Variants in PPFIA2 observed in about 807,000 individuals in gnomAD.
The protein encoded by PPFIA2 is liprin-alpha-2.
A neutral mutation model predicts 175.5 loss-of-function variants in PPFIA2; 46 were observed. The observed-to-expected ratio is 0.26, with a 90% CI of 0.21 to 0.34. The LOEUF (loss-of-function observed/expected upper bound fraction) is 0.34. PPFIA2 is among the 10% of genes least tolerant of loss of function. The pLI, the probability that PPFIA2 is intolerant of heterozygous loss-of-function variation, is 1.00. For missense variants in PPFIA2, 1,179 were observed against 1,506.1 expected, an observed-to-expected ratio of 0.78 and a Z score of 3.60; for synonymous variants, 568 against 511.4, an observed-to-expected ratio of 1.11 and a Z score of -1.49.
intron 4 of PPFIA2, among the ~76,000 whole-genome samples, chr12:81,508,521 C>CAA (rs544893385): frequency 0.025 from 1,087 of 43,334 alleles, 14 homozygotes; most frequent in Middle Eastern, 0.031. Context: ...AATTCCACCT[C>CAA]AAAAAAAAAA....
chr12:81,716,454 C>T (rs1213064831), intron 3 of PPFIA2, among the ~76,000 whole-genome samples: 1 of 151,568 alleles, frequency 6.6e-6, no homozygotes, highest in Non-Finnish European at 1.5e-5. Flanking sequence ...ATTTGCATGA[C>T]ATTTATTTAA....
intron 4 of PPFIA2, among the ~76,000 whole-genome samples, chr12:81,505,290 G>T (rs117517927): frequency 1.3e-5 from 2 of 149,234 alleles, no homozygotes; most frequent in African/African-American, 4.9e-5. Context: ...AAAAAAGAAA[G>T]AAAAGGGAAG....
At position 81,528,418 on chromosome 12, in the gene PPFIA2, A is replaced by G. The variant is rs527279580; in HGVS notation, c.304-70552T>C. On this transcript the variant is annotated intron_variant, in intron 4 of 32. Transcript: ENST00000549396. ...TATCCGTACGCACTTTATATAGTCT[A>G]GAGACTGAATTTATTTCAAACCTGG... 1.2e-3 allele frequency among the ~76,000 whole-genome samples: 185 copies of G among 152,238 alleles called. No homozygotes were observed. In the Middle Eastern group the frequency reaches 0.024, roughly 20 times the overall value.
intron 23 of PPFIA2, 103 bp from the exon 24 acceptor site, chr12:81,295,138 A>C: frequency 1.0e-6 from 1 of 975,624 alleles, no homozygotes; most frequent in Non-Finnish European, 1.5e-6. Context: ...ACATGACCTC[A>C]CCCCACGAGA....
At chr12:81,684,309 G>T (rs1032447564) in intron 3 of PPFIA2, among the ~76,000 whole-genome samples, 3 of 152,010 alleles carry the variant, frequency 2.0e-5, no homozygotes, top group African/African-American at 7.2e-5. Context: ...TAGTTTACAG[G>T]GTCCAGAGAA....
At chr12:81,752,369 G>C (rs1457934967) in intron 3 of PPFIA2, among the ~76,000 whole-genome samples, 1 of 152,128 alleles carries the variant, frequency 6.6e-6, no homozygotes, top group Non-Finnish European at 1.5e-5. Context: ...GATGGTGATA[G>C]TTCTAGAAAT....
intron 5 of PPFIA2, among the ~76,000 whole-genome samples, chr12:81,450,785 T>G (rs1001315605): frequency 2.6e-5 from 4 of 152,196 alleles, no homozygotes; most frequent in Non-Finnish European, 5.9e-5. Flanking sequence ...AACATTTAAG[T>G]CTTTAATCCA....
At chr12:81,392,510 T>C (rs2040325627) in intron 8 of PPFIA2, among the ~76,000 whole-genome samples, 1 of 151,924 alleles carries the variant, frequency 6.6e-6, no homozygotes, top group Admixed American at 6.6e-5. Context: ...TCGTCAAAGA[T>C]GACTAATAAC....
intron 4 of PPFIA2, among the ~76,000 whole-genome samples, chr12:81,475,263 T>C: frequency 6.6e-6 from 1 of 152,150 alleles, no homozygotes; most frequent in Non-Finnish European, 1.5e-5. Context: ...TAAAGGACCA[T>C]GGTAAAAGGA....
At chr12:81,456,657 T>C (rs965800367) in intron 5 of PPFIA2, among the ~76,000 whole-genome samples, 8 of 152,224 alleles carry the variant, frequency 5.3e-5, no homozygotes, top group African/African-American at 1.7e-4. Context: ...TACATCCACA[T>C]AGAAGTGGTT....
chr12:81,387,353 G>A (rs1009578050), intron 8 of PPFIA2, among the ~76,000 whole-genome samples: 1 of 152,038 alleles, frequency 6.6e-6, no homozygotes, highest in African/African-American at 2.4e-5. Context: ...ATATTGCATA[G>A]TTCATGATAT....
chr12:81,625,754 T>C (rs1436565211), intron 4 of PPFIA2, among the ~76,000 whole-genome samples: 1 of 150,382 alleles, frequency 6.6e-6, no homozygotes, highest in East Asian at 1.9e-4. Context: ...TCTGCTACCC[T>C]CCAACATTTT....
At chr12:81,331,023 A>G (rs541651721) in intron 21 of PPFIA2, among the ~76,000 whole-genome samples, 1 of 152,342 alleles carries the variant, frequency 6.6e-6, no homozygotes, top group African/African-American at 2.4e-5. Context: ...TTACATTGTA[A>G]CTATTGGTTC....
intron 3 of PPFIA2, among the ~76,000 whole-genome samples, chr12:81,750,283 C>T (rs113922782): frequency 4.9e-5 from 7 of 143,862 alleles, no homozygotes; most frequent in African/African-American, 1.5e-4. Flanking sequence ...GACATATTTA[C>T]AACACCAGAA....
intron 5 of PPFIA2, among the ~76,000 whole-genome samples, chr12:81,451,326 T>C (rs1404005610): frequency 6.6e-6 from 1 of 152,126 alleles, no homozygotes; most frequent in Non-Finnish European, 1.5e-5. Context: ...GTAACATTTC[T>C]TGGGAATGTT....
At chr12:81,492,463 G>A (rs1386040462) in intron 4 of PPFIA2, among the ~76,000 whole-genome samples, 1 of 152,052 alleles carries the variant, frequency 6.6e-6, no homozygotes, top group Non-Finnish European at 1.5e-5. Flanking sequence ...GTGTTACATG[G>A]TGGTAGGTGC....
chr12:81,554,311 C>A (rs2153376898), intron 4 of PPFIA2, among the ~76,000 whole-genome samples: 1 of 152,042 alleles, frequency 6.6e-6, no homozygotes, highest in Non-Finnish European at 1.5e-5. Context: ...TTTCCTAAGC[C>A]AAAGTGGGAT....
intron 4 of PPFIA2, among the ~76,000 whole-genome samples, chr12:81,568,244 G>A (rs2071740679): frequency 6.6e-6 from 1 of 152,102 alleles, no homozygotes; most frequent in African/African-American, 2.4e-5. Context: ...GACAGTGCAG[G>A]GTACAGGTCA....
At chr12:81,615,906 T>A (rs2061388660) in intron 4 of PPFIA2, among the ~76,000 whole-genome samples, 1 of 152,102 alleles carries the variant, frequency 6.6e-6, no homozygotes, top group African/African-American at 2.4e-5. Flanking sequence ...GAAAAGTGGA[T>A]AATCACTAGA....
Sources: allele counts gnomAD v4.1 joint callset (sites outside exome capture counted in the v4.1 genomes callset), GRCh38; gene constraint gnomAD v4.1.1; transcripts MANE v1.5; gene names NCBI Gene and HGNC (gene_info 2026-07-23, HGNC 2026-07-21).